MPHOSPH6: variants seen among roughly 807,000 people sequenced by gnomAD.
MPHOSPH6 encodes M-phase phosphoprotein 6.
In MPHOSPH6, 25 loss-of-function variants were observed where a neutral mutation model predicts 21.8. The ratio of observed to expected loss-of-function variants is 1.15; its 90% CI spans 0.83 to 1.60. The LOEUF is 1.60. Among genes scored for constraint, MPHOSPH6 ranks in the 40% most tolerant of loss-of-function variants. MPHOSPH6 has a pLI of 0.00. For missense variants in MPHOSPH6, 269 were observed against 181.8 expected (o/e 1.48, Z -2.76); for synonymous variants, 84 against 56.5 (o/e 1.49, Z -2.18).
rs564202963 is a variant in MPHOSPH6, at chr16:82,158,315, T to G, written c.164+5767A>C. 1.5e-4 allele frequency among the ~76,000 whole-genome samples: 23 copies of G among 149,676 alleles called. No homozygotes were observed. In the South Asian group the frequency reaches 4.9e-3, roughly 32 times the overall value. The stretch of plus-strand genomic sequence containing the variant: ...CATCCTGGCTAATACGATGAAACCC[T>G]GTCTCTACTAAAAAAATACAAAAAA... On this transcript the variant is annotated intron_variant, in intron 2 of 4. Coordinates refer to ENST00000258169, the MANE Select transcript of MPHOSPH6 (RefSeq NM_005792.2).
chr16:82,161,267 T>C, intron 2 of MPHOSPH6, among the ~76,000 whole-genome samples: 1 of 152,230 alleles, frequency 6.6e-6, no homozygotes, highest in Middle Eastern at 3.2e-3. Flanking sequence ...AAGGAAAGGC[T>C]ATTGTCCCTC....
chr16:82,165,735 C>G (rs73591491), intron 1 of MPHOSPH6, among the ~76,000 whole-genome samples: 1 of 152,332 alleles, frequency 6.6e-6, no homozygotes, highest in African/African-American at 2.4e-5. Context: ...TTGCAGCCTA[C>G]GAACAACAGG....
intron 1 of MPHOSPH6, 116 bp from the exon 2 acceptor site, chr16:82,164,310 A>C: frequency 1.5e-6 from 1 of 687,808 alleles, no homozygotes; most frequent in Non-Finnish European, 2.4e-6. Context: ...AACCCATCTC[A>C]AGATTGAGGG....
chr16:82,159,544 A>G (rs1906540264), intron 2 of MPHOSPH6, among the ~76,000 whole-genome samples: 1 of 152,006 alleles, frequency 6.6e-6, no homozygotes. Context: ...AGCTGGGACT[A>G]CAGGCACACG....
Position 82,151,440 on chromosome 16 carries a change from A to C in MPHOSPH6, c.239T>G (p.Phe80Cys). Reference protein sequence around the residue: ...LLYGRMSFRGFNPEVEKLMLQ... With the variant: ...LLYGRMSFRGCNPEVEKLMLQ... ...ATTTAATACCTCAACCTCAGGATTA[A>C]ATCCTCTGAATGACATTCTTCCATA... Residue 80 changes from phenylalanine (F) to cysteine (C), a missense_variant, in exon 3 of 5, where the codon TTT becomes TGT. Physicochemically the swap from Phe to Cys is radical, Grantham distance 205. Transcript: ENST00000258169. 1 of 1,606,530 alleles carries C rather than the reference A, an allele frequency of 6.2e-7. No homozygotes were observed. Among genetic ancestry groups the C allele is most frequent in the South Asian group, 1.1e-5 (1 of 89,316 alleles).
chr16:82,165,868 G>A (rs1430390984), intron 1 of MPHOSPH6, among the ~76,000 whole-genome samples: 1 of 116,178 alleles, frequency 8.6e-6, no homozygotes, highest in Middle Eastern at 4.3e-3. Flanking sequence ...TATCCCTGTT[G>A]TTAAATCATG....
intron 2 of MPHOSPH6, 51 bp from the exon 3 acceptor site, chr16:82,151,565 C>G (rs774859010): frequency 1.1e-5 from 17 of 1,506,970 alleles, no homozygotes; most frequent in Admixed American, 2.3e-5. Context: ...GCACAGCAAA[C>G]AAAAGCCAAC....
intron 3 of MPHOSPH6, 69 bp downstream of exon 3, chr16:82,151,355 A>G (rs1311882397): frequency 6.3e-7 from 1 of 1,583,988 alleles, no homozygotes; most frequent in Non-Finnish European, 8.6e-7. Context: ...AGAAACACCT[A>G]AGCCCAATTA....
intron 1 of MPHOSPH6, among the ~76,000 whole-genome samples, chr16:82,167,899 G>A (rs914001923): frequency 6.6e-6 from 1 of 152,160 alleles, no homozygotes; most frequent in Non-Finnish European, 1.5e-5. Context: ...GGGGACCCAT[G>A]CTATATAGGA....
At chr16:82,153,989 A>T (rs937187094) in intron 2 of MPHOSPH6, among the ~76,000 whole-genome samples, 1 of 152,190 alleles carries the variant, frequency 6.6e-6, no homozygotes, top group African/African-American at 2.4e-5. Context: ...AATCCAGGAT[A>T]ATCTCTCATC....
intron 1 of MPHOSPH6, among the ~76,000 whole-genome samples, chr16:82,169,254 G>C (rs1206319942): frequency 1.3e-5 from 2 of 152,124 alleles, no homozygotes; most frequent in African/African-American, 4.8e-5. Context: ...CCATTTCTTA[G>C]TACTTGCCTT....
intron 3 of MPHOSPH6, 137 bp downstream of exon 3, chr16:82,151,287 T>G: frequency 8.0e-7 from 1 of 1,247,616 alleles, no homozygotes; most frequent in African/African-American, 1.5e-5. Flanking sequence ...TAAATAGCTA[T>G]GGCGATATTT....
chr16:82,148,987 G>T (rs919768880), intron 4 of MPHOSPH6, 124 bp from the exon 5 acceptor site: 1 of 1,241,570 alleles, frequency 8.1e-7, no homozygotes, highest in Non-Finnish European at 1.1e-6. Flanking sequence ...ATCATTAAAA[G>T]AAACCATCTG....
intron 3 of MPHOSPH6, among the ~76,000 whole-genome samples, chr16:82,150,916 A>C (rs1906243650): frequency 6.6e-6 from 1 of 152,256 alleles, no homozygotes; most frequent in African/African-American, 2.4e-5. Context: ...CTGCTTCTCT[A>C]TCCTGGAGCA....
chr16:82,157,854 A>T (rs1906477940), intron 2 of MPHOSPH6, among the ~76,000 whole-genome samples: 1 of 152,212 alleles, frequency 6.6e-6, no homozygotes, highest in African/African-American at 2.4e-5. Flanking sequence ...CCTGAGAAAC[A>T]TAAAGCCCCT....
At chr16:82,155,730 A>G (rs1261647859) in intron 2 of MPHOSPH6, among the ~76,000 whole-genome samples, 1 of 152,040 alleles carries the variant, frequency 6.6e-6, no homozygotes, top group East Asian at 1.9e-4. Context: ...ACGGAGAAAC[A>G]GTGTCTCTAC....
At chr16:82,157,282 T>C (rs1394529946) in intron 2 of MPHOSPH6, among the ~76,000 whole-genome samples, 3 of 152,176 alleles carry the variant, frequency 2.0e-5, no homozygotes, top group Non-Finnish European at 4.4e-5. Flanking sequence ...TGAATAGATA[T>C]ACCGTGGTGT....
intron 2 of MPHOSPH6, among the ~76,000 whole-genome samples, chr16:82,153,231 T>C (rs1906323554): frequency 6.6e-6 from 1 of 152,166 alleles, no homozygotes; most frequent in African/African-American, 2.4e-5. Context: ...TATCACACAA[T>C]GGATGAAAAT....
chr16:82,166,058 G>A (rs937591873), intron 1 of MPHOSPH6, among the ~76,000 whole-genome samples: 14 of 152,308 alleles, frequency 9.2e-5, no homozygotes, highest in African/African-American at 3.1e-4. Context: ...CACGCAAAAT[G>A]AGTGCGTGTA....
Sources: allele counts gnomAD v4.1 joint callset (sites outside exome capture counted in the v4.1 genomes callset), GRCh38; gene constraint gnomAD v4.1.1; transcripts MANE v1.5; gene names NCBI Gene and HGNC (gene_info 2026-07-23, HGNC 2026-07-21).